Variants in PDE4D observed in about 807,000 individuals in gnomAD.
PDE4D encodes phosphodiesterase 4D.
Under a neutral mutation model 87.4 loss-of-function variants are expected in PDE4D, and 24 were observed. The ratio of observed to expected loss-of-function variants is 0.27; its 90% CI spans 0.20 to 0.39. The LOEUF is 0.39. Among genes scored for constraint, PDE4D ranks in the 10% least tolerant of loss-of-function variants. The pLI, the probability that PDE4D is intolerant of heterozygous loss-of-function variation, is 1.00. For synonymous variants in PDE4D, 384 were observed against 383.2 expected (o/e 1.00, Z -0.02); for missense variants, 714 against 1,041.0 (o/e 0.69, Z 4.32).
At chr5:59,159,158 T>C (rs1003838116) in intron 5 of PDE4D, among the ~76,000 whole-genome samples, 2 of 149,056 alleles carry the variant, frequency 1.3e-5, no homozygotes, top group Admixed American at 1.3e-4. Flanking sequence ...GTCCTGAGAC[T>C]ACTTAAGATT....
chr5:59,045,668 TG>T (rs1425600365), intron 5 of PDE4D, among the ~76,000 whole-genome samples: 2 of 151,816 alleles, frequency 1.3e-5, no homozygotes, highest in East Asian at 3.9e-4. Context: ...CCTCAGCCAC[TG>T]GCCATCTCAA....
intron 9 of PDE4D, among the ~76,000 whole-genome samples, chr5:58,990,482 A>G (rs1449643714): frequency 6.6e-6 from 1 of 152,196 alleles, no homozygotes; most frequent in Non-Finnish European, 1.5e-5. Context: ...TTTTTAAGTT[A>G]GTACTCCATT....
In PDE4D at chr5:59,768,323, A is replaced by C; in HGVS notation, c.455+124845T>G. ...AGCATTCTGCGCAGAAGCCTGGGGG[A>C]ATTTCTCGGAGAGATCACTGGAGAG... On this transcript the variant is annotated intron_variant, in intron 1 of 14. Coordinates refer to ENST00000340635, the MANE Select transcript of PDE4D (RefSeq NM_001104631.2). 4.4e-6 allele frequency: 7 copies of C among 1,597,970 alleles called. No individual in the cohort carries two copies. In the East Asian group the frequency reaches 1.6e-4, roughly 36 times the overall value.
At chr5:60,473,877 C>T (rs373974564) in intron 1 of PDE4D, among the ~76,000 whole-genome samples, 7 of 151,104 alleles carry the variant, frequency 4.6e-5, no homozygotes, top group Admixed American at 2.6e-4. Flanking sequence ...CCCCGCCCGC[C>T]GCATTATTCT....
At chr5:59,139,046 G>A (rs148440283) in intron 5 of PDE4D, among the ~76,000 whole-genome samples, 81 of 152,228 alleles carry the variant, frequency 5.3e-4, no homozygotes, top group East Asian at 2.9e-3. Flanking sequence ...AACAATATAC[G>A]CAAAAGTTAC....
At chr5:60,113,851 C>T (rs1036473069) in intron 2 of PDE4D, among the ~76,000 whole-genome samples, 5 of 152,062 alleles carry the variant, frequency 3.3e-5, no homozygotes, top group African/African-American at 7.2e-5. Flanking sequence ...GACCCTATAA[C>T]GTCTAGAGGC....
intron 1 of PDE4D, among the ~76,000 whole-genome samples, chr5:59,777,284 G>A (rs1455063303): frequency 2.0e-5 from 3 of 152,100 alleles, no homozygotes; most frequent in African/African-American, 7.2e-5. Context: ...TCTGCAATTG[G>A]TGTATCTCCA....
chr5:59,244,137 A>G (rs1758267695), intron 1 of PDE4D, among the ~76,000 whole-genome samples: 1 of 152,036 alleles, frequency 6.6e-6, no homozygotes, highest in African/African-American at 2.4e-5. Flanking sequence ...AAAAAATTAT[A>G]TATATATACA....
intron 1 of PDE4D, among the ~76,000 whole-genome samples, chr5:60,195,887 C>T (rs779445533): frequency 7.3e-5 from 11 of 151,670 alleles, no homozygotes; most frequent in Non-Finnish European, 1.5e-4. Context: ...TTTTTCCCCA[C>T]GTAGAGGGAA....
At chr5:59,972,416 T>C (rs1040171458) in intron 3 of PDE4D, among the ~76,000 whole-genome samples, 4 of 152,122 alleles carry the variant, frequency 2.6e-5, no homozygotes, top group Admixed American at 6.5e-5. Flanking sequence ...TAGGTGACAA[T>C]AATATAAGTC....
At chr5:59,007,947 C>T (rs1325399672) in intron 6 of PDE4D, among the ~76,000 whole-genome samples, 2 of 152,056 alleles carry the variant, frequency 1.3e-5, no homozygotes, top group Non-Finnish European at 2.9e-5. Flanking sequence ...TGAGACTGAT[C>T]TGATAGCTGT....
intron 3 of PDE4D, among the ~76,000 whole-genome samples, chr5:59,191,410 T>G (rs1006447288): frequency 1.3e-5 from 2 of 151,982 alleles, no homozygotes; most frequent in African/African-American, 2.4e-5. Flanking sequence ...TTTCTTATAA[T>G]AATACCTAGA....
chr5:59,941,371 A>G (rs1757163748), intron 3 of PDE4D, among the ~76,000 whole-genome samples: 1 of 152,164 alleles, frequency 6.6e-6, no homozygotes, highest in Admixed American at 6.5e-5. Flanking sequence ...AATACAATCG[A>G]ATTGTGTCTC....
At chr5:59,283,857 C>T (rs999650855) in intron 1 of PDE4D, among the ~76,000 whole-genome samples, 3 of 152,240 alleles carry the variant, frequency 2.0e-5, no homozygotes, top group South Asian at 4.1e-4. Context: ...TATGGCAACA[C>T]ACAGTGAACA....
intron 2 of PDE4D, among the ~76,000 whole-genome samples, chr5:59,203,567 C>G (rs1189317826): frequency 1.3e-5 from 2 of 151,470 alleles, no homozygotes; most frequent in Non-Finnish European, 1.5e-5. Flanking sequence ...ATCACAATAG[C>G]CAAAATATGG....
intron 2 of PDE4D, among the ~76,000 whole-genome samples, chr5:60,015,020 ATG>A (rs1765376432): frequency 6.6e-6 from 1 of 152,182 alleles, no homozygotes; most frequent in Admixed American, 6.5e-5. Context: ...ACCGATTGCT[ATG>A]TGCCTCTCAT....
At chr5:59,748,776 A>G (rs1312563617) in intron 1 of PDE4D, among the ~76,000 whole-genome samples, 1 of 152,196 alleles carries the variant, frequency 6.6e-6, no homozygotes, top group Non-Finnish European at 1.5e-5. Context: ...CACGCTGTGC[A>G]CATGTTCCCT....
chr5:60,087,473 T>C (rs1004116163), intron 2 of PDE4D, among the ~76,000 whole-genome samples: 2 of 152,124 alleles, frequency 1.3e-5, no homozygotes, highest in African/African-American at 4.8e-5. Flanking sequence ...CTTAAAGAAG[T>C]TGAAAGAATC....
chr5:60,443,516 G>C lies in PDE4D; in HGVS notation c.-90+44426C>G, dbSNP rs1031298239. Among the ~76,000 whole-genome samples the C allele has an allele frequency of 2.6e-5, 4 of 152,224 alleles. No individual in the cohort carries two copies. In the South Asian group the frequency reaches 6.2e-4, roughly 24 times the overall value. ...TTCTTTTTCCCCAGGGTAGAGAAAA[G>C]AATGCTGATGTAGAAGAATTTGAGG... On this transcript the variant is annotated intron_variant, in intron 1 of 16. Coordinates refer to the PDE4D transcript ENST00000502484.
Sources: allele counts gnomAD v4.1 joint callset (sites outside exome capture counted in the v4.1 genomes callset), GRCh38; gene constraint gnomAD v4.1.1; transcripts MANE v1.5; gene names NCBI Gene and HGNC (gene_info 2026-07-23, HGNC 2026-07-21).